The following BYSL variants were observed in gnomAD, a reference collection of about 807,000 sequenced individuals.
BYSL encodes the protein bystin.
A neutral mutation model predicts 45.4 loss-of-function variants in BYSL; 21 were observed. That is an observed-to-expected ratio of 0.46 (90% CI 0.33 to 0.67). BYSL has a LOEUF of 0.67. Among genes scored for constraint, BYSL ranks in the 30% least tolerant of loss-of-function variants. BYSL has a pLI of 0.02. For synonymous variants in BYSL, 215 were observed against 231.3 expected (o/e 0.93, Z 0.64); for missense variants, 522 against 578.5 (o/e 0.90, Z 1.00).
upstream of BYSL, chr6:41,917,570 GC>G (rs1775347358): frequency 3.0e-6 from 1 of 338,748 alleles, no homozygotes; most frequent in Non-Finnish European, 6.0e-6. Context: ...GTCCCTGAGA[GC>G]CCCTCTAAGA....
At position 41,921,741 on chromosome 6, in the gene BYSL, A is replaced by G. The variant is rs776021157; in HGVS notation, c.179A>G (p.Gln60Arg). The change falls in exon 1 of 7, where the codon CAG becomes CGG. Residue 60 changes from glutamine to arginine, a missense_variant. Coordinates refer to ENST00000230340, the MANE Select transcript of BYSL (RefSeq NM_004053.4). ...CCCCGGCTGAGCCGACGGATTTTGC[A>G]GCAAGCACGGCAGCAACAGGAGGAA... Reference protein sequence around the residue: ...VGPRLSRRILQQARQQQEELE... With the variant: ...VGPRLSRRILRQARQQQEELE... 1.2e-6 allele frequency: 2 copies of G among 1,613,630 alleles called. No homozygotes were observed. Among genetic ancestry groups the G allele is most frequent in the East Asian group, 4.5e-5 (2 of 44,852 alleles).
In BYSL at chr6:41,932,721, T is replaced by C; in HGVS notation, c.*15T>C. On this transcript the variant is annotated 3_prime_UTR_variant, in exon 7 of 7. Coordinates refer to ENST00000230340, the MANE Select transcript of BYSL (RefSeq NM_004053.4). This position sits in a 1 kb window ranked among gnomAD's most constrained non-coding sequence, Gnocchi z 4.7. ...CCGTGGAGTGAGGAAAACAGTCAGCTGTCCTGGCCAAAGGGGTTTGGAAGG... is the reference window on the plus strand; with the variant it reads ...CCGTGGAGTGAGGAAAACAGTCAGCCGTCCTGGCCAAAGGGGTTTGGAAGG... The C allele has an allele frequency of 6.3e-7, 1 of 1,594,570 alleles. No individual in the cohort carries two copies. The highest frequency in any genetic ancestry group is 8.6e-7 in the Non-Finnish European group (1 of 1,167,636).
At chr6:41,920,715 G>T, upstream of BYSL, 1 of 332,460 alleles carries the variant, frequency 3.0e-6, no homozygotes, top group Non-Finnish European at 5.5e-6. Flanking sequence ...GTGTTGCAGT[G>T]AGCCAAGATC....
upstream of BYSL, chr6:41,917,681 G>C (rs1417294917): frequency 2.2e-6 from 1 of 446,906 alleles, no homozygotes; most frequent in Admixed American, 2.4e-5. Context: ...ATGACACACG[G>C]ACTGAGAATT....
rs781152682 is a variant in BYSL at position 41,932,368 on chromosome 6, A to G, written c.976A>G (p.Met326Val). ...SIPVLHSSAA[M>V]LKIAEMEYSG... Reference sequence around the variant, plus strand: ...ACCTCCCTTTCCCACTAGTGCGGCCATGCTGAAAATTGCTGAGATGGAATA... The same window carrying G: ...ACCTCCCTTTCCCACTAGTGCGGCCGTGCTGAAAATTGCTGAGATGGAATA... The change falls in exon 7 of 7, where the codon ATG becomes GTG. Residue 326 changes from methionine to valine, a missense_variant. Physicochemically the swap from Met to Val is conservative, Grantham distance 21 (BLOSUM62 1). Coordinates refer to ENST00000230340, the MANE Select transcript of BYSL (RefSeq NM_004053.4). This position sits in a 1 kb window ranked among gnomAD's most constrained non-coding sequence, Gnocchi z 4.7. 1.2e-6 allele frequency: 2 copies of G among 1,609,560 alleles called. No homozygotes were observed. Among genetic ancestry groups the G allele is most frequent in the Non-Finnish European group, 1.7e-6 (2 of 1,179,162 alleles).
intron 1 of BYSL, among the ~76,000 whole-genome samples, chr6:41,923,107 C>T (rs1214460775): frequency 1.3e-5 from 2 of 151,188 alleles, no homozygotes; most frequent in East Asian, 1.9e-4. Context: ...GTAGCCTCCT[C>T]GTTAGTATCT....
chr6:41,916,592 A>G (rs1775320710), upstream of BYSL, among the ~76,000 whole-genome samples: 1 of 152,240 alleles, frequency 6.6e-6, no homozygotes, highest in African/African-American at 2.4e-5. Context: ...AAAAAATAAA[A>G]TAAAATAAAA....
At chr6:41,909,427 T>C in the BYSL span, 20 of 1,614,074 alleles carry the variant, frequency 1.2e-5, no homozygotes, top group Non-Finnish European at 1.7e-5. Context: ...TCAAAGTTGG[T>C]GTCAGCAATA....
At chr6:41,917,435 G>GTAGT (rs369933181), upstream of BYSL, 65 of 192,364 alleles carry the variant, frequency 3.4e-4, no homozygotes, top group African/African-American at 1.4e-3. Context: ...GTCAAGTGCA[G>GTAGT]TAGTTAGAGT....
intron 2 of BYSL, among the ~76,000 whole-genome samples, chr6:41,929,269 G>A (rs1052251104): frequency 1.3e-5 from 2 of 152,166 alleles, no homozygotes; most frequent in Non-Finnish European, 2.9e-5. Flanking sequence ...AGCACTTTGG[G>A]ACGCCAAGGC....
chr6:41,917,046 T>C (rs1372084558), upstream of BYSL: 7 of 1,196,226 alleles, frequency 5.9e-6, no homozygotes, highest in Non-Finnish European at 8.3e-6. Context: ...AAAGTTATCT[T>C]GGAAATTACC....
chr6:41,932,885 C>G lies in BYSL; in HGVS notation c.*179C>G, dbSNP rs1295974733. ...AAGGACTGAGGGTCTGGCTGGTTCC[C>G]TCTTCCATTCTAGGCCCTTATCCCT... On this transcript the variant is annotated 3_prime_UTR_variant, in exon 7 of 7. Transcript: ENST00000230340. This position sits in a 1 kb window ranked among gnomAD's most constrained non-coding sequence, Gnocchi z 4.7. The G allele has an allele frequency of 4.4e-6, 3 of 679,874 alleles. No homozygotes were observed. Among genetic ancestry groups the G allele is most frequent in the Non-Finnish European group, 7.3e-6 (3 of 412,806 alleles). The allele number at this position is 679,874 out of a possible 1,614,324, so 42.1% of individuals were successfully genotyped here. A position where few individuals can be genotyped will look rare whatever the true frequency, so the allele number is the denominator to read the frequency against.
the BYSL span, chr6:41,909,559 T>C: frequency 6.2e-7 from 1 of 1,604,538 alleles, no homozygotes; most frequent in Non-Finnish European, 8.5e-7. Context: ...CATCAAGACT[T>C]TCACTGGCAA....
In BYSL at chr6:41,927,372, A is replaced by G. The variant is rs150991448; in HGVS notation, c.269-2A>G. ...TCATCCATTTAGTCTCCCCTCTTCT[A>G]GGTCCAAGAATGCCTCAGGATGGAT... On this transcript the variant is annotated splice_acceptor_variant, in intron 1 of 6. Transcript: ENST00000230340. LOFTEE classifies it high-confidence loss of function. 2 of 1,613,940 alleles carry G rather than the reference A, an allele frequency of 1.2e-6. No individual in the cohort carries two copies. Among genetic ancestry groups the G allele is most frequent in the Admixed American group, 1.7e-5 (1 of 59,994 alleles).
intron 1 of BYSL, among the ~76,000 whole-genome samples, chr6:41,926,138 C>A (rs893158737): frequency 6.6e-6 from 1 of 152,206 alleles, no homozygotes; most frequent in African/African-American, 2.4e-5. Flanking sequence ...ATTTTCTCTG[C>A]GTCTGGAACA....
upstream of BYSL, among the ~76,000 whole-genome samples, chr6:41,919,434 A>C (rs182975018): frequency 2.8e-3 from 426 of 152,366 alleles, 5 homozygotes; most frequent in Non-Finnish European, 3.2e-3. Context: ...GAATCTATTA[A>C]GGTAGAGTCC....
At chr6:41,918,279 G>T (rs1478479626), upstream of BYSL, among the ~76,000 whole-genome samples, 1 of 144,426 alleles carries the variant, frequency 6.9e-6, no homozygotes, top group Non-Finnish European at 1.5e-5. Flanking sequence ...CGAGGTGGGC[G>T]GATCACTTGA....
chr6:41,931,634 T>G (rs1247630071), intron 5 of BYSL, 78 bp downstream of exon 5: 2 of 1,609,622 alleles, frequency 1.2e-6, no homozygotes, highest in Non-Finnish European at 1.7e-6. Context: ...TGTGGGAAAT[T>G]GCTAGCTGTC....
chr6:41,915,738 G>A, the BYSL span, among the ~76,000 whole-genome samples: 6 of 151,012 alleles, frequency 4.0e-5, no homozygotes, highest in Non-Finnish European at 5.9e-5. Context: ...AGTGAGCCGA[G>A]ATTGCGCCAC....
Sources: allele counts gnomAD v4.1 joint callset (sites outside exome capture counted in the v4.1 genomes callset), GRCh38; gene constraint gnomAD v4.1.1; non-coding constraint Gnocchi (gnomAD v3.1); transcripts MANE v1.5; gene names NCBI Gene and HGNC (gene_info 2026-07-23, HGNC 2026-07-21).